The following ITSN1 variants were observed in gnomAD, a reference collection of about 807,000 sequenced individuals.
ITSN1 encodes the protein intersectin 1.
Under a neutral mutation model 239.8 loss-of-function variants are expected in ITSN1, and 58 were observed. That is an observed-to-expected ratio of 0.24 (90% CI 0.20 to 0.30). The LOEUF is 0.30. ITSN1 is among the 10% of genes least tolerant of loss of function. The probability of loss-of-function intolerance (pLI) is 1.00; values close to 1 mark genes in which losing one functional copy is unlikely to be tolerated. For synonymous variants in ITSN1, 780 were observed against 770.8 expected, an observed-to-expected ratio of 1.01 and a Z score of -0.20; for missense variants, 1,558 against 2,103.3, an observed-to-expected ratio of 0.74 and a Z score of 5.07.
chr21:33,796,690 T>C (rs2409499), intron 17 of ITSN1, among the ~76,000 whole-genome samples: 20,864 of 152,242 alleles, frequency 0.14, 1,829 homozygotes, highest in East Asian at 0.28. Context: ...ATACTAGGAC[T>C]ACCAACCTGA....
At chr21:33,804,593 G>A (rs2250452) in intron 20 of ITSN1, among the ~76,000 whole-genome samples, 2,767 of 152,158 alleles carry the variant, frequency 0.018, 82 homozygotes, top group African/African-American at 0.061. Flanking sequence ...GCTTAGATGC[G>A]TAGAAAATAC....
intron 14 of ITSN1, among the ~76,000 whole-genome samples, chr21:33,779,133 C>G (rs1303545871): frequency 6.7e-6 from 1 of 148,392 alleles, no homozygotes; most frequent in Non-Finnish European, 1.5e-5. Flanking sequence ...TTAGTAAGCC[C>G]TTGGCTTTAT....
chr21:33,807,882 G>A (rs2072582055), intron 20 of ITSN1, among the ~76,000 whole-genome samples: 1 of 152,244 alleles, frequency 6.6e-6, no homozygotes, highest in South Asian at 2.1e-4. Context: ...TAGAGTGAAG[G>A]TAAAGTCAAG....
chr21:33,895,430 C>CGTGT lies in ITSN1; in HGVS notation c.*7132_*7135dup, dbSNP rs544798817. On this transcript the variant is annotated 3_prime_UTR_variant, in exon 40 of 40. Coordinates refer to ENST00000381318, the MANE Select transcript of ITSN1 (RefSeq NM_003024.3). ...GTGTGTGCATGCGTGTTTGTGCGTG[C>CGTGT]GTGTGCATGTATGTGTTTGTGCGTG... is the stretch of plus-strand genomic sequence containing the variant. The CGTGT allele has an allele frequency of 0.35, 53,365 of 151,378 alleles. 9,896 individuals carry two copies. Among genetic ancestry groups the CGTGT allele is most frequent in the East Asian group, 0.59 (2,997 of 5,096 alleles). The allele number at this position is 151,378 out of a possible 1,614,324, so 9.4% of individuals were successfully genotyped here. A position where few individuals can be genotyped will look rare whatever the true frequency, so the allele number is the denominator to read the frequency against.
Position 33,668,400 on chromosome 21 carries a change from GC to G in ITSN1, c.-33+25689del, listed in dbSNP as rs2090057417. Among the ~76,000 whole-genome samples the G allele has an allele frequency of 2.6e-5, 4 of 152,368 alleles. No individual in the cohort carries two copies. The South Asian group carries it at 8.3e-4, about 32-fold the overall frequency. Reference sequence around the variant, plus strand: ...ATGGGCTCTCTGCCATGAGGAGTAAGCCAGTGCCTCCAGCTACTGGCTAGAA... The same window carrying G: ...ATGGGCTCTCTGCCATGAGGAGTAAGCAGTGCCTCCAGCTACTGGCTAGAA... On this transcript the variant is annotated intron_variant, in intron 1 of 39. Coordinates refer to ENST00000381318, the MANE Select transcript of ITSN1 (RefSeq NM_003024.3).
intron 1 of ITSN1, among the ~76,000 whole-genome samples, chr21:33,667,134 C>CT (rs905076898): frequency 7.6e-4 from 109 of 142,824 alleles, no homozygotes; most frequent in African/African-American, 1.8e-3. Flanking sequence ...AGCCTATTTG[C>CT]TTTTTTTTTT....
chr21:33,885,654 A>G, intron 38 of ITSN1, 132 bp downstream of exon 38: 3 of 688,860 alleles, frequency 4.4e-6, no homozygotes, highest in Non-Finnish European at 5.0e-6. Context: ...AATTGGTTTA[A>G]CTAGCACTTG....
In ITSN1 at chr21:33,642,623, G is replaced by A. The variant is rs2087487781; in HGVS notation, c.-123G>A. 1 of 153,158 alleles carries A rather than the reference G, an allele frequency of 6.5e-6. No individual in the cohort carries two copies. The highest frequency in any genetic ancestry group is 1.5e-5 in the Non-Finnish European group (1 of 68,446). 9.5% of individuals were successfully genotyped at this position (153,158 alleles called of 1,614,324 possible). ...ACAGAGAGGCGGGCGGGGATGGTGT[G>A]CGGGGCTGCGGCTCCTGCGTCCCTC... On this transcript the variant is annotated 5_prime_UTR_variant, in exon 1 of 40. Coordinates refer to ENST00000381318, the MANE Select transcript of ITSN1 (RefSeq NM_003024.3).
intron 31 of ITSN1, among the ~76,000 whole-genome samples, chr21:33,863,326 T>C (rs2148496376): frequency 6.6e-6 from 1 of 152,338 alleles, no homozygotes; most frequent in Admixed American, 6.5e-5. Flanking sequence ...TTCTTTTCTT[T>C]TCTTCTTGTC....
intron 24 of ITSN1, 31 bp downstream of exon 24, chr21:33,819,354 G>T: frequency 6.7e-7 from 1 of 1,496,142 alleles, no homozygotes; most frequent in Non-Finnish European, 9.3e-7. Context: ...ATGTTCTTCA[G>T]AAGGGTCAAG....
At chr21:33,855,542 G>A (rs1046357618) in intron 29 of ITSN1, among the ~76,000 whole-genome samples, 18 of 152,242 alleles carry the variant, frequency 1.2e-4, no homozygotes, top group African/African-American at 3.6e-4. Flanking sequence ...AAAAAAGAGA[G>A]GTGGGTCCAG....
Position 33,751,767 on chromosome 21 carries a change from T to A in ITSN1, c.527-43T>A, listed in dbSNP as rs762859984. 3 of 1,446,962 alleles carry A rather than the reference T, an allele frequency of 2.1e-6. No homozygotes were observed. The African/African-American group carries it at 4.3e-5, about 21-fold the overall frequency. 89.6% of individuals were successfully genotyped at this position (1,446,962 alleles called of 1,614,324 possible). ...ATTTTTGTAAATTGGGGAAAGTTTC[T>A]TATCTTTGTAGAATTAAAATTATTC... On this transcript the variant is annotated intron_variant, in intron 6 of 39. Transcript: ENST00000381318.
In ITSN1 at chr21:33,875,451, T is replaced by C; in HGVS notation, c.4271T>C (p.Val1424Ala). The C allele has an allele frequency of 6.2e-7, 1 of 1,613,758 alleles. No individual in the cohort carries two copies. The highest frequency in any genetic ancestry group is 8.5e-7 in the Non-Finnish European group (1 of 1,179,922). Residue 1424 changes from valine (V) to alanine (A), a missense_variant, in exon 34 of 40, where the codon GTG becomes GCG. Coordinates refer to ENST00000381318, the MANE Select transcript of ITSN1 (RefSeq NM_003024.3). ...EELCSQVNEG[V>A]REKENSDRLE... ...CTCTGTTCCCAGGTGAACGAAGGGG[T>C]GCGGGAGAAGGAGAACTCTGACCGG...
At chr21:33,862,939 T>C (rs1980899908) in intron 31 of ITSN1, among the ~76,000 whole-genome samples, 2 of 152,322 alleles carry the variant, frequency 1.3e-5, no homozygotes, top group South Asian at 4.1e-4. Context: ...TGTTCAGCAA[T>C]CATTGAGCGC....
chr21:33,648,844 G>A (rs2088225387), intron 1 of ITSN1, among the ~76,000 whole-genome samples: 1 of 151,790 alleles, frequency 6.6e-6, no homozygotes, highest in Non-Finnish European at 1.5e-5. Context: ...AGAAAGGGGA[G>A]GGCAGGGCAA....
chr21:33,822,228 T>C (rs2073723249), intron 24 of ITSN1, among the ~76,000 whole-genome samples: 1 of 152,226 alleles, frequency 6.6e-6, no homozygotes, highest in Non-Finnish European at 1.5e-5. Context: ...GAGGTTTTTG[T>C]GTTTTTGTCT....
rs139203755 is a variant in ITSN1 at position 33,852,800 on chromosome 21, G to A, written c.3662-3936G>A. On this transcript the variant is annotated intron_variant, in intron 29 of 39. Transcript: ENST00000381318. ...AGATGTTCATGGAAAACCATTTGAT[G>A]TGTTTTCTCCTCTCGTTTTTCCCTG... Among the ~76,000 whole-genome samples the A allele has an allele frequency of 1.7e-4, 26 of 152,256 alleles. No homozygotes were observed. The East Asian group carries it at 5.0e-3, about 29-fold the overall frequency.
chr21:33,804,908 G>T (rs1375956541), intron 20 of ITSN1, among the ~76,000 whole-genome samples: 1 of 152,216 alleles, frequency 6.6e-6, no homozygotes, highest in Admixed American at 6.5e-5. Context: ...TTACGAATTT[G>T]TGTTGGGCCT....
At chr21:33,752,844 T>C (rs2067650443) in intron 7 of ITSN1, among the ~76,000 whole-genome samples, 1 of 152,096 alleles carries the variant, frequency 6.6e-6, no homozygotes, top group African/African-American at 2.4e-5. Flanking sequence ...AAAAAAGCTT[T>C]TGGAATTTAT....
Sources: allele counts gnomAD v4.1 joint callset (sites outside exome capture counted in the v4.1 genomes callset), GRCh38; gene constraint gnomAD v4.1.1; transcripts MANE v1.5; gene names NCBI Gene and HGNC (gene_info 2026-07-23, HGNC 2026-07-21).